The following SLC16A2 variants were observed in gnomAD, a reference collection of about 807,000 sequenced individuals.
SLC16A2 encodes the protein monocarboxylate transporter 8.
Under a neutral mutation model 27.2 loss-of-function variants are expected in SLC16A2, and 3 were observed. The ratio of observed to expected loss-of-function variants is 0.11; its 90% CI spans 0.05 to 0.28. The LOEUF is 0.28. Ranked by LOEUF, SLC16A2 falls within the 10% of genes least tolerant of loss-of-function variation. The pLI is 1.00. For synonymous variants in SLC16A2, 202 were observed against 187.8 expected (o/e 1.08, Z -0.62); for missense variants, 295 against 458.5 (o/e 0.64, Z 3.26).
Position 74,531,338 on chromosome X carries a change from C to T in SLC16A2, c.1405C>T (p.Leu469Phe), listed in dbSNP as rs774774554. The change falls in exon 6 of 6, where the codon CTC becomes TTC. Residue 469 changes from leucine (L) to phenylalanine (F), a missense_variant. By Grantham distance (22) the Leu-to-Phe change is conservative. Transcript: ENST00000587091. ...MIAGPPIAGL[L>F]RNCFGDYHVA... ...GTCTCTCTTGACTGTTTCAGGCCTA[C>T]TCCGCAACTGTTTTGGGGACTACCA... The T allele has an allele frequency of 5.8e-6, 7 of 1,210,475 alleles. No individual in the cohort carries two copies. In the East Asian group the frequency reaches 1.8e-4, roughly 31 times the overall value.
At chrX:74,478,926 T>C (rs1929550581) in intron 1 of SLC16A2, among the ~76,000 whole-genome samples, 1 of 111,514 alleles carries the variant, frequency 9.0e-6, no homozygotes. Flanking sequence ...ATTTTTTCCT[T>C]CATTTCAACT....
chrX:74,432,746 C>T (rs1167098991), intron 1 of SLC16A2, among the ~76,000 whole-genome samples: 1 of 111,814 alleles, frequency 8.9e-6, no homozygotes, highest in Non-Finnish European at 1.9e-5. Flanking sequence ...TGTCAGAGGA[C>T]TGGGGAATAA....
chrX:74,479,864 C>A (rs1185574300), intron 1 of SLC16A2, among the ~76,000 whole-genome samples: 1 of 111,614 alleles, frequency 9.0e-6, no homozygotes, highest in Non-Finnish European at 1.9e-5. Flanking sequence ...CAGAAGAGTA[C>A]CCAGCCGTGT....
At chrX:74,497,446 C>T (rs965989938) in intron 1 of SLC16A2, among the ~76,000 whole-genome samples, 1 of 110,343 alleles carries the variant, frequency 9.1e-6, no homozygotes, top group African/African-American at 3.3e-5. Flanking sequence ...GCTTCTGGGG[C>T]TTGGAGGAGA....
At chrX:74,423,076 C>T (rs1403599113) in intron 1 of SLC16A2, among the ~76,000 whole-genome samples, 1 of 112,852 alleles carries the variant, frequency 8.9e-6, no homozygotes, top group Non-Finnish European at 1.9e-5. Context: ...ATTGAGGCCG[C>T]CTGTGAGCTG....
At chrX:74,463,956 G>A (rs906360529) in intron 1 of SLC16A2, among the ~76,000 whole-genome samples, 7 of 112,196 alleles carry the variant, frequency 6.2e-5, no homozygotes, top group African/African-American at 1.6e-4. Context: ...CACCACCATC[G>A]TCTGGCAACT....
intron 1 of SLC16A2, among the ~76,000 whole-genome samples, chrX:74,514,904 C>T (rs1199702988): frequency 8.9e-6 from 1 of 111,765 alleles, no homozygotes; most frequent in African/African-American, 3.3e-5. Flanking sequence ...ATGAAGTTGT[C>T]CCTCAATGGC....
chrX:74,523,102 G>A (rs1411562199), intron 2 of SLC16A2, among the ~76,000 whole-genome samples: 1 of 111,984 alleles, frequency 8.9e-6, no homozygotes, highest in Non-Finnish European at 1.9e-5. Flanking sequence ...CTTGGATAAG[G>A]CCCCCAAGCC....
At chrX:74,498,322 T>C (rs1209031502) in intron 1 of SLC16A2, among the ~76,000 whole-genome samples, 1 of 111,363 alleles carries the variant, frequency 9.0e-6, no homozygotes, top group Non-Finnish European at 1.9e-5. Context: ...CTGAGATATT[T>C]TTCAGACTTT....
chrX:74,514,394 C>T (rs1052339090), intron 1 of SLC16A2, among the ~76,000 whole-genome samples: 10 of 111,509 alleles, frequency 9.0e-5, no homozygotes, highest in Non-Finnish European at 3.8e-5. Context: ...CCCCACTTGA[C>T]CTTTGCCAAC....
At chrX:74,485,255 CA>C (rs2147857513) in intron 1 of SLC16A2, among the ~76,000 whole-genome samples, 1 of 105,907 alleles carries the variant, frequency 9.4e-6, no homozygotes, top group East Asian at 3.0e-4. Context: ...AGCCAACAAA[CA>C]AAAAAAGGCA....
chrX:74,461,133 T>C (rs1929133378), intron 1 of SLC16A2, among the ~76,000 whole-genome samples: 1 of 112,254 alleles, frequency 8.9e-6, no homozygotes, highest in Non-Finnish European at 1.9e-5. Context: ...TTCTTTAATC[T>C]AACTATAGTA....
chrX:74,502,722 G>A (rs963750753), intron 1 of SLC16A2, among the ~76,000 whole-genome samples: 1 of 111,865 alleles, frequency 8.9e-6, no homozygotes, highest in African/African-American at 3.3e-5. Context: ...CAGCCAGATG[G>A]TCCCTCTAAC....
chrX:74,480,202 C>T (rs1279832740), intron 1 of SLC16A2, among the ~76,000 whole-genome samples: 2 of 112,257 alleles, frequency 1.8e-5, no homozygotes, highest in Admixed American at 9.4e-5. Context: ...CTCCCACAGC[C>T]TCACTGCTGC....
At chrX:74,442,133 C>A (rs1489666131) in intron 1 of SLC16A2, among the ~76,000 whole-genome samples, 1 of 105,366 alleles carries the variant, frequency 9.5e-6, no homozygotes, top group Non-Finnish European at 1.9e-5. Context: ...GAGGCTGAGG[C>A]AGGAGAATCG....
intron 1 of SLC16A2, among the ~76,000 whole-genome samples, chrX:74,477,847 AGTTT>A (rs1929518057): frequency 8.9e-6 from 1 of 112,057 alleles, no homozygotes; most frequent in South Asian, 3.7e-4. Context: ...TCTGAGAGGC[AGTTT>A]GTTATAGTTA....
intron 4 of SLC16A2, among the ~76,000 whole-genome samples, chrX:74,527,428 T>G (rs999322964): frequency 2.7e-5 from 3 of 112,363 alleles, no homozygotes; most frequent in African/African-American, 9.7e-5. Context: ...CCTTTCTCCC[T>G]GCATGTAATG....
At chrX:74,489,041 T>C (rs1354685649) in intron 1 of SLC16A2, among the ~76,000 whole-genome samples, 2 of 112,034 alleles carry the variant, frequency 1.8e-5, no homozygotes, top group African/African-American at 6.5e-5. Context: ...AAGCATTTCT[T>C]TCATTATATT....
chrX:74,466,543 A>T lies in SLC16A2; in HGVS notation c.430+44476A>T, dbSNP rs1295560842. ...CTAATACAATGTAAATGCTATGCAA[A>T]TAGTTGTTATACTATATTGTTTAAG... On this transcript the variant is annotated intron_variant, in intron 1 of 5. Transcript: ENST00000587091. Among the ~76,000 whole-genome samples the T allele has an allele frequency of 2.7e-5, 3 of 112,543 alleles. No homozygotes were observed. The Admixed American group carries it at 2.8e-4, about 11-fold the overall frequency.
Sources: allele counts gnomAD v4.1 joint callset (sites outside exome capture counted in the v4.1 genomes callset), GRCh38; gene constraint gnomAD v4.1.1; transcripts MANE v1.5; gene names NCBI Gene and HGNC (gene_info 2026-07-23, HGNC 2026-07-21).